CAMK2D: variants seen among roughly 807,000 people sequenced by gnomAD.
The protein encoded by CAMK2D is calcium/calmodulin dependent protein kinase II delta.
In CAMK2D, 37 loss-of-function variants were observed where a neutral mutation model predicts 84.0. The observed-to-expected ratio is 0.44, with a 90% CI of 0.34 to 0.58. CAMK2D has a LOEUF of 0.58. CAMK2D is among the 20% of genes least tolerant of loss of function. The pLI is 0.02. For synonymous variants in CAMK2D, 202 were observed against 212.5 expected, an observed-to-expected ratio of 0.95 and a Z score of 0.43; for missense variants, 448 against 652.5, an observed-to-expected ratio of 0.69 and a Z score of 3.41.
At chr4:113,595,811 T>C (rs1365636270) in intron 4 of CAMK2D, among the ~76,000 whole-genome samples, 5 of 152,224 alleles carry the variant, frequency 3.3e-5, no homozygotes, top group Admixed American at 3.3e-4. Context: ...GTAACCTTTT[T>C]ACTGGTGGAG....
chr4:113,480,208 C>A (rs10026411), intron 16 of CAMK2D, among the ~76,000 whole-genome samples: 51,533 of 151,730 alleles, frequency 0.34, 9,032 homozygotes, highest in Middle Eastern at 0.4. Flanking sequence ...GGTAATCCGC[C>A]CGCCTCGGCC....
intron 3 of CAMK2D, among the ~76,000 whole-genome samples, chr4:113,618,248 G>A (rs1347589080): frequency 6.6e-6 from 1 of 152,116 alleles, no homozygotes; most frequent in Non-Finnish European, 1.5e-5. Flanking sequence ...TTTTGGAATT[G>A]TTTTTAATGA....
At chr4:113,625,464 T>C (rs72893904) in intron 3 of CAMK2D, among the ~76,000 whole-genome samples, 5,814 of 152,110 alleles carry the variant, frequency 0.038, 356 homozygotes, top group African/African-American at 0.13. Flanking sequence ...GCATCACTGA[T>C]AAGGTGAATT....
In CAMK2D at chr4:113,451,050, A is replaced by G. The variant is rs2154097222; in HGVS notation, c.*3495T>C. 1 of 152,326 alleles carries G rather than the reference A, an allele frequency of 6.6e-6. No individual in the cohort carries two copies. The allele number at this position is 152,326 out of a possible 1,614,324, so 9.4% of individuals were successfully genotyped here. On this transcript the variant is annotated 3_prime_UTR_variant, in exon 21 of 21. Transcript: ENST00000511664. ...TGAAAGGTTCATAGAAGTCAGTAGA[A>G]TTTTATTCAATGAAATCACTCGAAA... is the stretch of plus-strand genomic sequence containing the variant.
intron 16 of CAMK2D, among the ~76,000 whole-genome samples, chr4:113,489,665 G>C (rs1205323635): frequency 6.0e-5 from 9 of 149,814 alleles, no homozygotes; most frequent in Admixed American, 3.3e-4. Context: ...CCAGTAATGG[G>C]ATGGCTGGGT....
chr4:113,518,192 T>G (rs2098311529), intron 8 of CAMK2D, among the ~76,000 whole-genome samples: 1 of 152,146 alleles, frequency 6.6e-6, no homozygotes, highest in African/African-American at 2.4e-5. Flanking sequence ...TTCAGTAATC[T>G]TAGTCTTCAA....
At chr4:113,490,084 T>A (rs1246775717) in intron 16 of CAMK2D, among the ~76,000 whole-genome samples, 2 of 150,840 alleles carry the variant, frequency 1.3e-5, no homozygotes, top group Non-Finnish European at 3.0e-5. Flanking sequence ...TTCTCCCATT[T>A]TGTAGGTTGC....
chr4:113,651,854 A>G (rs1467477659), intron 3 of CAMK2D, among the ~76,000 whole-genome samples: 1 of 152,170 alleles, frequency 6.6e-6, no homozygotes, highest in Non-Finnish European at 1.5e-5. Context: ...GATGTAAAAG[A>G]TAAGCCAGAT....
chr4:113,636,983 C>T (rs2099112345), intron 3 of CAMK2D, among the ~76,000 whole-genome samples: 1 of 152,198 alleles, frequency 6.6e-6, no homozygotes, highest in African/African-American at 2.4e-5. Context: ...AAGCTGCTCC[C>T]ATCCTTGCCA....
chr4:113,629,654 C>A (rs1026615914), intron 3 of CAMK2D, among the ~76,000 whole-genome samples: 1 of 151,226 alleles, frequency 6.6e-6, no homozygotes, highest in African/African-American at 2.4e-5. Flanking sequence ...ATTTGTTATA[C>A]CTCTCTCAGT....
intron 2 of CAMK2D, among the ~76,000 whole-genome samples, chr4:113,712,599 G>A (rs993081563): frequency 1.3e-5 from 2 of 151,908 alleles, no homozygotes; most frequent in African/African-American, 4.8e-5. Flanking sequence ...AACTGAAAAC[G>A]GCTCCTCTTC....
intron 2 of CAMK2D, among the ~76,000 whole-genome samples, chr4:113,698,204 T>C (rs1262542771): frequency 1.3e-5 from 2 of 152,122 alleles, no homozygotes; most frequent in African/African-American, 4.8e-5. Context: ...ATAAAATGGT[T>C]GTATGGTTAA....
At position 113,547,686 on chromosome 4, in the gene CAMK2D, C is replaced by G; in HGVS notation, c.372G>C (p.Val124=). Reference sequence around the variant, plus strand: ...CCACGCCCATCTGATGGCAGTGTAGCACAGCCTCCAGGATCTGCTGAATGC... The same window carrying G: ...CCACGCCCATCTGATGGCAGTGTAGGACAGCCTCCAGGATCTGCTGAATGC... ...SHCIQQILEA[V]LHCHQMGVVH... Residue 124 remains valine (V), a synonymous_variant, in exon 6 of 21, where the codon GTG becomes GTC. Coordinates refer to ENST00000511664, the MANE Select transcript of CAMK2D (RefSeq NM_001321571.2). 1 of 1,567,818 alleles carries G rather than the reference C, an allele frequency of 6.4e-7. No homozygotes were observed. Among genetic ancestry groups the G allele is most frequent in the Non-Finnish European group, 8.6e-7 (1 of 1,164,012 alleles).
intron 16 of CAMK2D, among the ~76,000 whole-genome samples, chr4:113,489,929 A>C (rs1168530474): frequency 6.7e-6 from 1 of 149,322 alleles, no homozygotes; most frequent in East Asian, 2.0e-4. Context: ...TTTTGGCTGC[A>C]TAAATGTCTT....
intron 3 of CAMK2D, among the ~76,000 whole-genome samples, chr4:113,627,921 C>T (rs1307349638): frequency 6.6e-6 from 1 of 152,168 alleles, no homozygotes; most frequent in Non-Finnish European, 1.5e-5. Flanking sequence ...AATAAATTTT[C>T]CAAGAGCAGG....
chr4:113,546,313 T>A (rs2098571123), intron 6 of CAMK2D, among the ~76,000 whole-genome samples: 1 of 152,178 alleles, frequency 6.6e-6, no homozygotes, highest in Non-Finnish European at 1.5e-5. Context: ...GTAAAATACA[T>A]GAATTTTCAA....
intron 2 of CAMK2D, among the ~76,000 whole-genome samples, chr4:113,705,161 CAA>C (rs769273594): frequency 2.2e-4 from 25 of 115,698 alleles, no homozygotes; most frequent in Admixed American, 2.7e-4. Context: ...ACTACAAATA[CAA>C]AAAAAAAAAA....
intron 9 of CAMK2D, among the ~76,000 whole-genome samples, chr4:113,515,738 T>C (rs2098275810): frequency 2.0e-5 from 3 of 152,320 alleles, no homozygotes; most frequent in Admixed American, 6.5e-5. Flanking sequence ...TGGAGTGCTG[T>C]AGTGAGAAGA....
At chr4:113,665,188 C>A (rs1006124548) in intron 2 of CAMK2D, among the ~76,000 whole-genome samples, 3 of 152,176 alleles carry the variant, frequency 2.0e-5, no homozygotes, top group African/African-American at 4.8e-5. Context: ...AATCACATAA[C>A]TTAGTGATCT....
Sources: gnomAD v4.1 joint callset for allele counts (sites outside exome capture counted in the v4.1 genomes callset) on GRCh38, gnomAD v4.1.1 for gene constraint, MANE v1.5 for transcripts, NCBI Gene and HGNC (gene_info 2026-07-23, HGNC 2026-07-21) for gene names.